Variants in PPFIA1 observed in about 807,000 individuals in gnomAD.
PPFIA1 encodes the protein PPFI scaffold protein A1.
PPFIA1 carries 25 observed loss-of-function variants against 149.9 expected under a neutral mutation model. That is an observed-to-expected ratio of 0.17 (90% CI 0.12 to 0.23). The LOEUF (loss-of-function observed/expected upper bound fraction) is 0.23. PPFIA1 is among the 10% of genes least tolerant of loss of function. The pLI, the probability that PPFIA1 is intolerant of heterozygous loss-of-function variation, is 1.00. For missense variants in PPFIA1, 1,362 were observed against 1,506.5 expected (o/e 0.90, Z 1.59); for synonymous variants, 549 against 552.8 (o/e 0.99, Z 0.10).
chr11:70,288,984 T>G (rs866494239), intron 2 of PPFIA1, among the ~76,000 whole-genome samples: 47 of 150,430 alleles, frequency 3.1e-4, no homozygotes, highest in South Asian at 1.1e-3. Context: ...TTTTTTTTTT[T>G]GGGGACGGAG....
At chr11:70,288,565 TC>T (rs2051311086) in intron 2 of PPFIA1, among the ~76,000 whole-genome samples, 1 of 152,178 alleles carries the variant, frequency 6.6e-6, no homozygotes, top group African/African-American at 2.4e-5. Context: ...AATCACTTCT[TC>T]CTGGAAGTTG....
intron 26 of PPFIA1, among the ~76,000 whole-genome samples, chr11:70,380,595 C>A (rs1024660075): frequency 2.7e-5 from 4 of 150,910 alleles, no homozygotes; most frequent in Admixed American, 6.6e-5. Flanking sequence ...ATTTGCCAGG[C>A]ATGGTGACAC....
rs559504392 is a variant in PPFIA1 at position 70,311,400 on chromosome 11, A to G, written c.265-13002A>G. 2.0e-5 allele frequency among the ~76,000 whole-genome samples: 3 copies of G among 152,246 alleles called. No homozygotes were observed. The East Asian group carries it at 5.8e-4, about 29-fold the overall frequency. On this transcript the variant is annotated intron_variant, in intron 2 of 27. Transcript: ENST00000253925. Reference sequence around the variant, plus strand: ...GACAGTGATGAGGGCGTGTGTGATCATTTTCCACTTCATGCGTCGGAATGC... The same window carrying G: ...GACAGTGATGAGGGCGTGTGTGATCGTTTTCCACTTCATGCGTCGGAATGC...
intron 26 of PPFIA1, 107 bp downstream of exon 26, chr11:70,378,302 A>G (rs1409739439): frequency 1.4e-5 from 20 of 1,411,052 alleles, no homozygotes; most frequent in Non-Finnish European, 1.9e-5. Context: ...GTTACAAGGC[A>G]CTTGAGTATG....
intron 2 of PPFIA1, among the ~76,000 whole-genome samples, chr11:70,306,725 T>C (rs758465010): frequency 2.6e-5 from 4 of 152,162 alleles, no homozygotes; most frequent in Non-Finnish European, 5.9e-5. Context: ...TAAAAATGTG[T>C]TAGGATAGGT....
Position 70,362,888 on chromosome 11 carries a change from A to G in PPFIA1, c.2865+400A>G, listed in dbSNP as rs182308736. 252 of 160,056 alleles carry G rather than the reference A, an allele frequency of 1.6e-3. 1 individual carries two copies. Among genetic ancestry groups the G allele is most frequent in the Non-Finnish European group, 2.6e-3 (190 of 72,476 alleles). The allele number at this position is 160,056 out of a possible 1,614,324, so 9.9% of individuals were successfully genotyped here. A position where few individuals can be genotyped will look rare whatever the true frequency, so the allele number is the denominator to read the frequency against. On this transcript the variant is annotated intron_variant, in intron 21 of 27. Transcript: ENST00000253925. ...GCAGTCCTCCCACCTCAGCCTTCCA[A>G]TGTGCTGGGATTACAGGCGTGAGCC... is the stretch of plus-strand genomic sequence containing the variant.
At chr11:70,295,789 C>T (rs1348246396) in intron 2 of PPFIA1, among the ~76,000 whole-genome samples, 1 of 151,920 alleles carries the variant, frequency 6.6e-6, no homozygotes, top group Admixed American at 6.5e-5. Flanking sequence ...GGGCTGACCC[C>T]CACCTCCCTC....
chr11:70,335,900 G>A (rs1243920706), intron 11 of PPFIA1, among the ~76,000 whole-genome samples: 6 of 152,170 alleles, frequency 3.9e-5, no homozygotes, highest in Non-Finnish European at 7.3e-5. Context: ...TTGTGTGTAT[G>A]GGAAATTGTT....
chr11:70,292,891 G>A (rs2136227260), intron 2 of PPFIA1, among the ~76,000 whole-genome samples: 1 of 152,304 alleles, frequency 6.6e-6, no homozygotes, highest in South Asian at 2.1e-4. Context: ...TAGTATTACT[G>A]GAGTGCACAC....
chr11:70,348,440 C>T lies in PPFIA1; in HGVS notation c.2163+20C>T. 1 of 1,548,468 alleles carries T rather than the reference C, an allele frequency of 6.5e-7. No individual in the cohort carries two copies. Among genetic ancestry groups the T allele is most frequent in the Middle Eastern group, 1.7e-4 (1 of 5,922 alleles). ...ACCCTTGTACGTATCCGCCCTTTCCCTGCTGTGGCTGCCCTCAGCATACCT... is the reference window on the plus strand; with the variant it reads ...ACCCTTGTACGTATCCGCCCTTTCCTTGCTGTGGCTGCCCTCAGCATACCT... On this transcript the variant is annotated intron_variant, in intron 16 of 27. Transcript: ENST00000253925.
intron 2 of PPFIA1, among the ~76,000 whole-genome samples, chr11:70,300,218 A>C (rs973427113): frequency 6.6e-6 from 1 of 151,522 alleles, no homozygotes; most frequent in Non-Finnish European, 1.5e-5. Context: ...CTTCATTACC[A>C]TGCGCCCCTC....
At chr11:70,337,712 T>G (rs148704702) in intron 12 of PPFIA1, among the ~76,000 whole-genome samples, 2 of 152,246 alleles carry the variant, frequency 1.3e-5, no homozygotes, top group African/African-American at 4.8e-5. Context: ...AAATATAATA[T>G]GAGCTGCATA....
chr11:70,300,881 A>G (rs749105392), intron 2 of PPFIA1, among the ~76,000 whole-genome samples: 20 of 152,176 alleles, frequency 1.3e-4, no homozygotes, highest in South Asian at 6.2e-4. Flanking sequence ...CACAGATGAA[A>G]TATTAGGATC....
In PPFIA1 at chr11:70,354,303, G is replaced by A. The variant is rs1212222049; in HGVS notation, c.2166G>A (p.Leu722=). ...TTTGCACTTCTCTCACCCCTCAGTT[G>A]CCACCTTCCAGAGAAGAGGTACGAG... ...EVDRLGVMTL[L]PPSREEVRDD... Residue 722 remains leucine, a splice_region_variant and synonymous_variant, in exon 17 of 28, where the codon TTG becomes TTA. Coordinates refer to ENST00000253925, the MANE Select transcript of PPFIA1 (RefSeq NM_003626.5). 3 of 1,611,568 alleles carry A rather than the reference G, an allele frequency of 1.9e-6. No individual in the cohort carries two copies. The East Asian group carries it at 6.7e-5, about 36-fold the overall frequency.
intron 2 of PPFIA1, chr11:70,283,914 A>G (rs2136119103): frequency 2.1e-6 from 1 of 480,466 alleles, no homozygotes; most frequent in South Asian, 1.5e-5. Flanking sequence ...TCTGGCCCCA[A>G]ATGTTGGAAG....
chr11:70,349,471 AAAAAAAAAC>A, intron 16 of PPFIA1, among the ~76,000 whole-genome samples: 1 of 151,640 alleles, frequency 6.6e-6, no homozygotes, highest in African/African-American at 2.4e-5. Context: ...ATCTTTATCT[AAAAAAAAAC>A]CAAACTATCT....
chr11:70,298,321 A>G (rs991732969), intron 2 of PPFIA1, among the ~76,000 whole-genome samples: 2 of 152,214 alleles, frequency 1.3e-5, no homozygotes, highest in Admixed American at 6.5e-5. Context: ...GGTGGGTAGA[A>G]TAAAGGTTTT....
At chr11:70,327,287 G>A (rs1484324424) in intron 7 of PPFIA1, 1 of 153,716 alleles carries the variant, frequency 6.5e-6, no homozygotes, top group Non-Finnish European at 1.4e-5. Flanking sequence ...AACTGTGGGA[G>A]GGGGCGTTGC....
At chr11:70,376,187 C>T (rs2057483170) in intron 24 of PPFIA1, among the ~76,000 whole-genome samples, 1 of 152,206 alleles carries the variant, frequency 6.6e-6, no homozygotes. Flanking sequence ...TGGGATTTCA[C>T]CATGTTGGCC....
Sources: allele counts gnomAD v4.1 joint callset (sites outside exome capture counted in the v4.1 genomes callset), GRCh38; gene constraint gnomAD v4.1.1; transcripts MANE v1.5; gene names NCBI Gene and HGNC (gene_info 2026-07-23, HGNC 2026-07-21).